The following RIMS2 variants were observed in gnomAD, a reference collection of about 807,000 sequenced individuals.
RIMS2 encodes the protein regulating synaptic membrane exocytosis protein 2.
RIMS2 carries 59 observed loss-of-function variants against 174.4 expected under a neutral mutation model. That is an observed-to-expected ratio of 0.34 (90% CI 0.27 to 0.42). The LOEUF is 0.42. Ranked by LOEUF, RIMS2 falls within the 10% of genes least tolerant of loss-of-function variation. The probability of loss-of-function intolerance (pLI) is 1.00; values close to 1 mark genes in which losing one functional copy is unlikely to be tolerated. For missense variants in RIMS2, 1,620 were observed against 1,666.3 expected (o/e 0.97, Z 0.48); for synonymous variants, 606 against 572.5 (o/e 1.06, Z -0.84).
intron 1 of RIMS2, among the ~76,000 whole-genome samples, chr8:103,536,674 A>T (rs1418487831): frequency 6.6e-6 from 1 of 152,126 alleles, no homozygotes; most frequent in Non-Finnish European, 1.5e-5. Context: ...ACGCTTTTAA[A>T]TAGCTAGATC....
At chr8:104,199,085 G>A (rs141081813) in intron 19 of RIMS2, among the ~76,000 whole-genome samples, 1,510 of 149,060 alleles carry the variant, frequency 0.01, 21 homozygotes, top group African/African-American at 0.033. Flanking sequence ...ATTTTGAGAC[G>A]GAGTCTCTCT....
intron 11 of RIMS2, among the ~76,000 whole-genome samples, chr8:103,929,797 A>G (rs969267695): frequency 2.6e-5 from 4 of 151,926 alleles, no homozygotes; most frequent in African/African-American, 9.7e-5. Flanking sequence ...ATCTGTATCT[A>G]TGTTCTAATA....
intron 2 of RIMS2, among the ~76,000 whole-genome samples, chr8:103,717,138 C>CT (rs11373218): frequency 0.44 from 50,333 of 113,588 alleles, 10,743 homozygotes; most frequent in East Asian, 0.73. Flanking sequence ...ATAGTGCCTT[C>CT]TTTTTTTTTT....
chr8:103,909,783 G>A (rs909133214), intron 4 of RIMS2, among the ~76,000 whole-genome samples: 1 of 151,862 alleles, frequency 6.6e-6, no homozygotes, highest in African/African-American at 2.4e-5. Context: ...AAAATATATG[G>A]CATGAATAAC....
In RIMS2 at chr8:104,006,957, A is replaced by C. The variant is rs539966874; in HGVS notation, c.3045-6485A>C. Among the ~76,000 whole-genome samples the C allele has an allele frequency of 1.9e-3, 295 of 152,154 alleles. 1 individual carries two copies. The highest frequency in any genetic ancestry group is 3.4e-3 in the Non-Finnish European group (230 of 68,000). ...TTGTCAAACATTATTGAGAGAAAAA[A>C]CTATCCCTGCTATCAAAGAAAACAC... On this transcript the variant is annotated intron_variant, in intron 17 of 23. Coordinates refer to ENST00000504942, the Ensembl canonical transcript of RIMS2.
At chr8:103,649,723 T>C (rs2096413867) in intron 1 of RIMS2, among the ~76,000 whole-genome samples, 1 of 152,072 alleles carries the variant, frequency 6.6e-6, no homozygotes, top group East Asian at 1.9e-4. Flanking sequence ...GAGATTCTTT[T>C]CTCTGCTTGG....
chr8:103,996,509 A>G (rs117039863), intron 17 of RIMS2, among the ~76,000 whole-genome samples: 103 of 152,084 alleles, frequency 6.8e-4, no homozygotes, highest in Non-Finnish European at 1.1e-3. Flanking sequence ...CATAAAAACA[A>G]TTGCATTATT....
chr8:103,563,702 A>G (rs1039663596), intron 1 of RIMS2, among the ~76,000 whole-genome samples: 5 of 152,102 alleles, frequency 3.3e-5, no homozygotes, highest in Non-Finnish European at 7.4e-5. Context: ...AATTTACTGT[A>G]TTAGTCCATT....
chr8:103,796,994 G>A (rs1592645867), intron 3 of RIMS2, among the ~76,000 whole-genome samples: 1 of 152,010 alleles, frequency 6.6e-6, no homozygotes, highest in South Asian at 2.1e-4. Context: ...TTTTTGTGGG[G>A]AAACAGTTTA....
At chr8:103,985,335 ATGGTGG>A (rs762589369) in intron 16 of RIMS2, among the ~76,000 whole-genome samples, 3 of 151,700 alleles carry the variant, frequency 2.0e-5, no homozygotes, top group Non-Finnish European at 4.4e-5. Context: ...TTAGCCGAGC[ATGGTGG>A]TGCGCGCCTG....
chr8:104,229,445 A>G (rs1485041602), intron 19 of RIMS2, among the ~76,000 whole-genome samples: 3 of 152,224 alleles, frequency 2.0e-5, no homozygotes, highest in Non-Finnish European at 4.4e-5. Flanking sequence ...CACTCTTTAA[A>G]TGAAAACAGG....
At chr8:104,235,358 C>T (rs138988403) in intron 19 of RIMS2, among the ~76,000 whole-genome samples, 220 of 152,222 alleles carry the variant, frequency 1.4e-3, no homozygotes, top group African/African-American at 4.9e-3. Context: ...TATTAGTCAA[C>T]TGTGTGAATT....
intron 13 of RIMS2, among the ~76,000 whole-genome samples, chr8:103,937,904 A>C (rs867332956): frequency 8.5e-5 from 13 of 152,182 alleles, no homozygotes; most frequent in African/African-American, 3.1e-4. Flanking sequence ...GCTTTGTCAC[A>C]GTGGCACAGT....
At chr8:103,593,234 A>G (rs1563923288) in intron 1 of RIMS2, among the ~76,000 whole-genome samples, 1 of 151,550 alleles carries the variant, frequency 6.6e-6, no homozygotes. Context: ...TGATGAGATC[A>G]GTGGTGATGT....
At chr8:103,750,561 C>A (rs1353399340) in intron 2 of RIMS2, among the ~76,000 whole-genome samples, 1 of 152,108 alleles carries the variant, frequency 6.6e-6, no homozygotes, top group Non-Finnish European at 1.5e-5. Context: ...CCACCCAAAT[C>A]TCACCTTGAA....
At chr8:104,168,130 T>A (rs149360768) in intron 19 of RIMS2, among the ~76,000 whole-genome samples, 30 of 152,210 alleles carry the variant, frequency 2.0e-4, no homozygotes, top group Non-Finnish European at 3.8e-4. Context: ...TTTTTCTTAG[T>A]ATTGCTTTGG....
intron 19 of RIMS2, 45 bp from the exon 24 acceptor site, chr8:104,093,426 G>A: frequency 7.2e-7 from 1 of 1,379,474 alleles, no homozygotes; most frequent in Admixed American, 1.9e-5. Context: ...TGCTTTGTGT[G>A]GTAATACTGA....
In RIMS2 at chr8:103,697,096, C is replaced by T. The variant is rs750380499; in HGVS notation, c.187C>T (p.Gln63Ter). 1 of 1,608,642 alleles carries T rather than the reference C, an allele frequency of 6.2e-7. No individual in the cohort carries two copies. Among genetic ancestry groups the T allele is most frequent in the Non-Finnish European group, 8.5e-7 (1 of 1,175,256 alleles). Residue 63 changes from glutamine (Q) to a stop codon, truncating the protein, a stop_gained, in exon 2 of 24, where the codon CAG (glutamine) becomes TAG (stop). Coordinates refer to ENST00000504942, the Ensembl canonical transcript of RIMS2. LOFTEE classifies it high-confidence loss of function. ...CTATTTTCTCTGCAGAAAACTGCAT[C>T]AGCAGTTTGAAATGTATAAAGAGCA... is the stretch of plus-strand genomic sequence containing the variant.
At chr8:104,040,029 TG>T (rs2096582562) in intron 19 of RIMS2, among the ~76,000 whole-genome samples, 1 of 151,716 alleles carries the variant, frequency 6.6e-6, no homozygotes, top group Non-Finnish European at 1.5e-5. Context: ...CTAAGATTTC[TG>T]GTTTTTTCCT....
Sources: allele counts gnomAD v4.1 joint callset (sites outside exome capture counted in the v4.1 genomes callset), GRCh38; gene constraint gnomAD v4.1.1; transcripts MANE v1.5; gene names NCBI Gene and HGNC (gene_info 2026-07-23, HGNC 2026-07-21).